Variants in UBAP2 observed in about 807,000 individuals in gnomAD.
UBAP2 encodes the protein ubiquitin associated protein 2.
A neutral mutation model predicts 139.6 loss-of-function variants in UBAP2; 75 were observed. That is an observed-to-expected ratio of 0.54 (90% confidence interval 0.45 to 0.65). The LOEUF (loss-of-function observed/expected upper bound fraction) is 0.65, where lower values mean the gene tolerates loss of function less well. Among genes scored for constraint, UBAP2 ranks in the 30% least tolerant of loss-of-function variants. UBAP2 has a pLI of 0.00. For synonymous variants in UBAP2, 526 were observed against 526.2 expected (o/e 1.00, Z 0.01); for missense variants, 1,368 against 1,369.6 (o/e 1.00, Z 0.02).
intron 9 of UBAP2, among the ~76,000 whole-genome samples, chr9:33,962,459 A>C (rs1827121429): frequency 6.6e-6 from 1 of 151,952 alleles, no homozygotes; most frequent in Non-Finnish European, 1.5e-5. Flanking sequence ...CAGCCTGGTC[A>C]ATATGATGAA....
chr9:34,039,986 C>T (rs1564076656), intron 1 of UBAP2, among the ~76,000 whole-genome samples: 1 of 151,802 alleles, frequency 6.6e-6, no homozygotes, highest in African/African-American at 2.4e-5. Context: ...GGAGAAACCC[C>T]GACTCTACTA....
At chr9:33,961,562 A>AT (rs1442864988) in intron 9 of UBAP2, among the ~76,000 whole-genome samples, 1 of 152,210 alleles carries the variant, frequency 6.6e-6, no homozygotes, top group Non-Finnish European at 1.5e-5. Flanking sequence ...CAGATCTTAT[A>AT]TAAGTAGAGG....
chr9:34,040,323 C>CAAAAAAAA (rs56317641), intron 1 of UBAP2, among the ~76,000 whole-genome samples: 1 of 88,866 alleles, frequency 1.1e-5, no homozygotes, highest in Non-Finnish European at 2.1e-5. Context: ...GACTCTGTCT[C>CAAAAAAAA]AAAAAAAAAA....
chr9:33,970,015 T>A (rs1481257927), intron 8 of UBAP2, among the ~76,000 whole-genome samples: 3 of 137,358 alleles, frequency 2.2e-5, no homozygotes, highest in Admixed American at 1.6e-4. Context: ...CTGCAACCTA[T>A]GCTTCCTAGG....
chr9:33,927,151 G>A (rs1823512036), intron 20 of UBAP2, 71 bp from the exon 21 acceptor site: 1 of 1,234,470 alleles, frequency 8.1e-7, no homozygotes, highest in Non-Finnish European at 1.1e-6. Context: ...GCTGCTTCAG[G>A]AGGAGGCACA....
At chr9:34,012,197 C>T (rs1187651020) in intron 2 of UBAP2, among the ~76,000 whole-genome samples, 1 of 152,134 alleles carries the variant, frequency 6.6e-6, no homozygotes, top group Non-Finnish European at 1.5e-5. Context: ...AGAGAGTTGA[C>T]ATCTGAATAC....
At chr9:33,978,877 C>T (rs1246754520) in intron 6 of UBAP2, among the ~76,000 whole-genome samples, 1 of 152,130 alleles carries the variant, frequency 6.6e-6, no homozygotes, top group Non-Finnish European at 1.5e-5. Flanking sequence ...AGGGAGTAAA[C>T]TATTGTTGCC....
chr9:33,935,079 A>C (rs1378808337), intron 17 of UBAP2, among the ~76,000 whole-genome samples: 1 of 149,128 alleles, frequency 6.7e-6, no homozygotes, highest in Admixed American at 6.8e-5. Context: ...ATAAACCATC[A>C]GTCAAGCTGG....
Position 33,922,402 on chromosome 9 carries a change from G to T in UBAP2, c.*102C>A. The T allele has an allele frequency of 8.6e-7, 1 of 1,156,144 alleles. No homozygotes were observed. Among genetic ancestry groups the T allele is most frequent in the South Asian group, 1.3e-5 (1 of 75,548 alleles). 71.6% of individuals were successfully genotyped at this position (1,156,144 alleles called of 1,614,324 possible). Reference sequence around the variant, plus strand: ...CCCCACAGAGGCATGGCTGACACATGTCGGGAATTCTAGGAAAGGGCACTG... The same window carrying T: ...CCCCACAGAGGCATGGCTGACACATTTCGGGAATTCTAGGAAAGGGCACTG... On this transcript the variant is annotated 3_prime_UTR_variant, in exon 29 of 29. Transcript: ENST00000379238.
At chr9:34,036,118 CTT>C (rs892962205) in intron 1 of UBAP2, among the ~76,000 whole-genome samples, 8 of 143,544 alleles carry the variant, frequency 5.6e-5, no homozygotes, top group East Asian at 2.0e-4. Flanking sequence ...ATACTTTTTT[CTT>C]TTTTTTTTTT....
chr9:33,968,407 C>T (rs1827633529), intron 8 of UBAP2: 1 of 565,680 alleles, frequency 1.8e-6, no homozygotes, highest in Non-Finnish European at 3.5e-6. Context: ...AGCAAGACAC[C>T]ACCACCAGGG....
chr9:33,927,689 C>G (rs909670621), intron 20 of UBAP2, 108 bp downstream of exon 20: 10 of 1,199,658 alleles, frequency 8.3e-6, no homozygotes, highest in Admixed American at 2.7e-5. Context: ...ACGCAGCGCA[C>G]TCGGCGGGCC....
At chr9:33,943,657 G>A in intron 14 of UBAP2, 68 bp from the exon 15 acceptor site, 1 of 1,489,504 alleles carries the variant, frequency 6.7e-7, no homozygotes, top group South Asian at 1.3e-5. Flanking sequence ...GCCTATAACA[G>A]AGCCAAACAA....
chr9:33,954,686 AT>A (rs1322877753), intron 11 of UBAP2, among the ~76,000 whole-genome samples: 2 of 152,132 alleles, frequency 1.3e-5, no homozygotes, highest in African/African-American at 4.8e-5. Context: ...GCCAAGTTGA[AT>A]TTCATGACAA....
At chr9:33,990,243 G>C (rs907518367) in intron 4 of UBAP2, among the ~76,000 whole-genome samples, 1 of 152,102 alleles carries the variant, frequency 6.6e-6, no homozygotes, top group Non-Finnish European at 1.5e-5. Flanking sequence ...CCAAAATTAA[G>C]AGTAACTGTT....
In UBAP2 at chr9:33,925,869, C is replaced by CCA. The variant is rs1332047401; in HGVS notation, c.2511+747_2511+748insTG. ...GTCCAAACTGCCTGCAACTCTCTGA[C>CCA]AAGTGCCCTGGGAAATGGCAGAGCA... On this transcript the variant is annotated intron_variant, in intron 22 of 28. Coordinates refer to ENST00000379238, the MANE Select transcript of UBAP2 (RefSeq NM_001370062.2). Among the ~76,000 whole-genome samples, 8 of 152,340 alleles carry CCA rather than the reference C, an allele frequency of 5.3e-5. 1 individual carries two copies. The South Asian group carries it at 1.7e-3, about 32-fold the overall frequency.
At chr9:33,925,409 AAC>A (rs1395483869) in intron 22 of UBAP2, among the ~76,000 whole-genome samples, 1 of 152,172 alleles carries the variant, frequency 6.6e-6, no homozygotes. Context: ...AGCAGAGGTG[AAC>A]AAACAACCCG....
chr9:33,973,344 C>T, intron 6 of UBAP2, 107 bp from the exon 7 acceptor site: 1 of 1,225,074 alleles, frequency 8.2e-7, no homozygotes, highest in South Asian at 1.3e-5. Context: ...ATCATTATTC[C>T]TAGTAGCACC....
Position 34,017,121 on chromosome 9 carries a change from A to C in UBAP2, c.28T>G (p.Cys10Gly). The change falls in exon 2 of 29, where the codon TGT becomes GGT. Residue 10 changes from cysteine (C) to glycine (G), a missense_variant. Coordinates refer to ENST00000379238, the MANE Select transcript of UBAP2 (RefSeq NM_001370062.2). The stretch of plus-strand genomic sequence containing the variant: ...TGTGGTTTTTCCCGAGCACCTCGAC[A>C]ATGGTCACTGCTCACTGAAGTCATC... MMTSVSSDH[C>G]RGAREKPQIS... 6.2e-7 allele frequency: 1 copy of C among 1,611,198 alleles called. No homozygotes were observed. Among genetic ancestry groups the C allele is most frequent in the Non-Finnish European group, 8.5e-7 (1 of 1,179,278 alleles).
Sources: gnomAD v4.1 joint callset for allele counts (sites outside exome capture counted in the v4.1 genomes callset) on GRCh38, gnomAD v4.1.1 for gene constraint, MANE v1.5 for transcripts, NCBI Gene and HGNC (gene_info 2026-07-23, HGNC 2026-07-21) for gene names.